PRDM11: variants seen among roughly 807,000 people sequenced by gnomAD.
The protein encoded by PRDM11 is PR domain-containing protein 11.
PRDM11 carries 20 observed loss-of-function variants against 97.8 expected under a neutral mutation model. The observed-to-expected ratio is 0.20, with a 90% confidence interval of 0.14 to 0.30. The LOEUF (loss-of-function observed/expected upper bound fraction) is 0.30, where lower values mean the gene tolerates loss of function less well. PRDM11 is among the 10% of genes least tolerant of loss of function. PRDM11 has a pLI of 1.00. For missense variants in PRDM11, 1,139 were observed against 1,555.2 expected (o/e 0.73, Z 4.50); for synonymous variants, 599 against 637.7 (o/e 0.94, Z 0.91).
chr11:45,175,768 A>C (rs1188218113), intron 1 of PRDM11, among the ~76,000 whole-genome samples: 16 of 152,200 alleles, frequency 1.1e-4, no homozygotes, highest in Admixed American at 1.0e-3. Flanking sequence ...ACACCAATTT[A>C]CACTCCAACC....
chr11:45,180,832 G>C (rs1042219731), intron 1 of PRDM11, among the ~76,000 whole-genome samples: 6 of 151,466 alleles, frequency 4.0e-5, no homozygotes, highest in African/African-American at 1.5e-4. Context: ...GGCGCGCCCG[G>C]CCTGGGCAGC....
At position 45,128,758 on chromosome 11, in the gene PRDM11, A is replaced by T. The variant is rs143668550; in HGVS notation, c.96+32857A>T. ...CAGAAACAGTGCTAATCTTATTTAAACTATTTCAGAAAAAAGAGAAATAAA... is the reference window on the plus strand; with the variant it reads ...CAGAAACAGTGCTAATCTTATTTAATCTATTTCAGAAAAAAGAGAAATAAA... On this transcript the variant is annotated intron_variant, in intron 1 of 6. Transcript: ENST00000530656. Among the ~76,000 whole-genome samples, 949 of 152,292 alleles carry T rather than the reference A, an allele frequency of 6.2e-3. 13 individuals are homozygous for T. The highest frequency in any genetic ancestry group is 0.022 in the African/African-American group (897 of 41,562).
chr11:45,212,750 C>G lies in PRDM11; in HGVS notation c.555-6820C>G, dbSNP rs566802064. ...CCATGCCCAGCAGACCGAGGTGTTC[C>G]GGCAGTTCTGCCAGGAGCTGGTGAC... On this transcript the variant is annotated intron_variant, in intron 5 of 7. Coordinates refer to ENST00000683152, the MANE Select transcript of PRDM11 (RefSeq NM_001384648.1). 4.4e-6 allele frequency: 2 copies of G among 456,464 alleles called. 1 individual carries two copies. Among genetic ancestry groups the G allele is most frequent in the South Asian group, 3.1e-5 (2 of 64,564 alleles). The allele number at this position is 456,464 out of a possible 1,614,324, so 28.3% of individuals were successfully genotyped here. A position where few individuals can be genotyped will look rare whatever the true frequency, so the allele number is the denominator to read the frequency against.
chr11:45,103,823 C>A (rs1405084618), intron 1 of PRDM11, among the ~76,000 whole-genome samples: 3 of 150,014 alleles, frequency 2.0e-5, no homozygotes, highest in Admixed American at 6.6e-5. Context: ...AGAAAGGAAG[C>A]AATAACACTA....
rs140702396 is a variant in PRDM11 at position 45,104,194 on chromosome 11, T to C, written c.96+8293T>C. Among the ~76,000 whole-genome samples the C allele has an allele frequency of 3.1e-3, 469 of 152,312 alleles. 5 individuals are homozygous for C. Among genetic ancestry groups the C allele is most frequent in the African/African-American group, 0.011 (452 of 41,570 alleles). On this transcript the variant is annotated intron_variant, in intron 1 of 6. Transcript: ENST00000530656. ...GGCAAAGCACAAGACCAAAATGTTGTCCACTTGTTCCCAGGAGACCTGGCT... is the reference window on the plus strand; with the variant it reads ...GGCAAAGCACAAGACCAAAATGTTGCCCACTTGTTCCCAGGAGACCTGGCT...
upstream of PRDM11, among the ~76,000 whole-genome samples, chr11:45,146,488 C>G (rs933952002): frequency 6.6e-6 from 1 of 152,062 alleles, no homozygotes; most frequent in African/African-American, 2.4e-5. Context: ...TTTGGAGAGC[C>G]GGGTTCCCCC....
rs978615763 is a variant in PRDM11, at chr11:45,228,108, G to C, written c.3483G>C (p.Lys1161Asn). The C allele has an allele frequency of 2.6e-6, 4 of 1,533,630 alleles. No individual in the cohort carries two copies. In the African/African-American group the frequency reaches 5.5e-5, roughly 21 times the overall value. Residue 1161 changes from lysine to asparagine, a missense_variant, in exon 8 of 8, where the codon AAG (lysine) becomes AAC (asparagine). Transcript: ENST00000683152. ...VLSRMSALEQ[K>N]PALQTMDHGT... is the part of the protein sequence containing the mutation. Reference sequence around the variant, plus strand: ...GTAGGATGTCTGCGCTGGAGCAGAAGCCAGCACTACAGACCATGGACCACG... The same window carrying C: ...GTAGGATGTCTGCGCTGGAGCAGAACCCAGCACTACAGACCATGGACCACG...
chr11:45,188,575 C>T (rs956540005), intron 4 of PRDM11, among the ~76,000 whole-genome samples: 1 of 152,236 alleles, frequency 6.6e-6, no homozygotes. Flanking sequence ...TGACTTTGGG[C>T]AGAGTGGTAC....
At chr11:45,196,031 G>A (rs1166605825) in intron 4 of PRDM11, among the ~76,000 whole-genome samples, 3 of 152,040 alleles carry the variant, frequency 2.0e-5, no homozygotes. Flanking sequence ...TTTCTTTCGG[G>A]CATAATACCT....
At chr11:45,178,600 G>T (rs1852388652) in intron 1 of PRDM11, among the ~76,000 whole-genome samples, 2 of 152,222 alleles carry the variant, frequency 1.3e-5, no homozygotes, top group Non-Finnish European at 2.9e-5. Context: ...TTCCCAATGG[G>T]ACCAGTGGGA....
intron 1 of PRDM11, among the ~76,000 whole-genome samples, chr11:45,174,334 A>T (rs1464158496): frequency 1.3e-5 from 2 of 152,246 alleles, no homozygotes; most frequent in African/African-American, 4.8e-5. Context: ...GCTTTTGCTT[A>T]GGATGACGGC....
chr11:45,153,609 A>G (rs561651138), intron 1 of PRDM11, among the ~76,000 whole-genome samples: 11 of 152,364 alleles, frequency 7.2e-5, no homozygotes, highest in Middle Eastern at 3.4e-3. Flanking sequence ...GACAATGAGC[A>G]TATCTGCACT....
chr11:45,148,680 G>A (rs1250971653), intron 1 of PRDM11, among the ~76,000 whole-genome samples: 2 of 152,196 alleles, frequency 1.3e-5, no homozygotes, highest in African/African-American at 4.8e-5. Flanking sequence ...CTGTCGTCTA[G>A]ACTTCTTGGG....
intron 5 of PRDM11, among the ~76,000 whole-genome samples, chr11:45,215,350 T>C (rs1353172179): frequency 1.3e-5 from 2 of 152,216 alleles, no homozygotes; most frequent in Non-Finnish European, 2.9e-5. Context: ...ATCCCCTTTC[T>C]AGAAGGTTCT....
In PRDM11 at chr11:45,183,075, G is replaced by A. The variant is rs781307922; in HGVS notation, c.438G>A (p.Glu146=). The A allele has an allele frequency of 1.9e-6, 3 of 1,613,832 alleles. No homozygotes were observed. In the South Asian group the frequency reaches 3.3e-5, roughly 18 times the overall value. The part of the protein sequence containing the change: ...IPKGHIFGPY[E]GQISTQDKSA... Reference sequence around the variant, plus strand: ...AGGGCCACATCTTCGGCCCCTATGAGGGGCAGATCTCCACCCAGGACAAAT... The same window carrying A: ...AGGGCCACATCTTCGGCCCCTATGAAGGGCAGATCTCCACCCAGGACAAAT... The change falls in exon 4 of 8, where the codon GAG becomes GAA. Residue 146 remains glutamate, a synonymous_variant. Transcript: ENST00000683152.
chr11:45,214,394 C>G (rs893435915), intron 5 of PRDM11: 1 of 152,222 alleles, frequency 6.6e-6, no homozygotes, highest in South Asian at 2.1e-4. Context: ...AACAACCCCC[C>G]ACCCTCCCAT....
chr11:45,204,861 C>A, intron 5 of PRDM11, 83 bp downstream of exon 5: 1 of 1,422,344 alleles, frequency 7.0e-7, no homozygotes, highest in Non-Finnish European at 9.9e-7. Context: ...CCTGTGGGAG[C>A]TCCAGTGGTG....
chr11:45,223,291 G>A (rs1854169846), intron 6 of PRDM11, among the ~76,000 whole-genome samples: 1 of 152,050 alleles, frequency 6.6e-6, no homozygotes, highest in Non-Finnish European at 1.5e-5. Flanking sequence ...CAACAGAGTG[G>A]GTCTCTGTCT....
Position 45,233,550 on chromosome 11 carries a change from C to T in PRDM11, c.*5391C>T, listed in dbSNP as rs1854441668. The T allele has an allele frequency of 6.6e-6, 1 of 152,230 alleles. No individual in the cohort carries two copies. The highest frequency in any genetic ancestry group is 2.4e-5 in the African/African-American group (1 of 41,442). The allele number at this position is 152,230 out of a possible 1,614,324, so 9.4% of individuals were successfully genotyped here. A position where few individuals can be genotyped will look rare whatever the true frequency, so the allele number is the denominator to read the frequency against. On this transcript the variant is annotated 3_prime_UTR_variant, in exon 8 of 8. Coordinates refer to ENST00000683152, the MANE Select transcript of PRDM11 (RefSeq NM_001384648.1). ...CACCAGGACTGAGCAGCGTCAGTGG[C>T]AATAGGAAAGGTCCAAACTGGATCA... is the stretch of plus-strand genomic sequence containing the variant.
Sources: gnomAD v4.1 joint callset for allele counts (sites outside exome capture counted in the v4.1 genomes callset) on GRCh38, gnomAD v4.1.1 for gene constraint, MANE v1.5 for transcripts, NCBI Gene and HGNC (gene_info 2026-07-23, HGNC 2026-07-21) for gene names.